RAB3IL1: variants seen among roughly 807,000 people sequenced by gnomAD.
RAB3IL1 encodes the protein guanine nucleotide exchange factor for Rab-3A.
RAB3IL1 carries 37 observed loss-of-function variants against 49.2 expected under a neutral mutation model. The ratio of observed to expected loss-of-function variants is 0.75; its 90% CI spans 0.58 to 0.99. RAB3IL1 has a LOEUF of 0.99. RAB3IL1 is among the 50% of genes least tolerant of loss of function. The probability of loss-of-function intolerance (pLI) is 0.00; values close to 1 mark genes in which losing one functional copy is unlikely to be tolerated. For missense variants in RAB3IL1, 484 were observed against 513.0 expected (o/e 0.94, Z 0.55); for synonymous variants, 193 against 213.9 (o/e 0.90, Z 0.85).
At chr11:61,921,634 G>A (rs891120753), upstream of RAB3IL1, among the ~76,000 whole-genome samples, 11 of 152,164 alleles carry the variant, frequency 7.2e-5, no homozygotes, top group Non-Finnish European at 1.5e-5. Context: ...ACTCCCACAA[G>A]AACTGAGTGG....
the RAB3IL1 span, among the ~76,000 whole-genome samples, chr11:61,940,043 T>C: frequency 1.3e-5 from 2 of 150,362 alleles, no homozygotes; most frequent in African/African-American, 4.9e-5. Context: ...ACTGGGGAGG[T>C]TGAGGCAGGA....
chr11:61,920,276 C>A, upstream of RAB3IL1: 1 of 1,233,802 alleles, frequency 8.1e-7, no homozygotes, highest in Non-Finnish European at 1.0e-6. Context: ...CCAGGCTGAG[C>A]CTCACACTAA....
chr11:61,924,423 G>A (rs765013104), upstream of RAB3IL1, among the ~76,000 whole-genome samples: 3 of 152,216 alleles, frequency 2.0e-5, no homozygotes, highest in African/African-American at 4.8e-5. Flanking sequence ...TGAGAGATTC[G>A]AATTAACCTA....
At chr11:61,929,620 T>C in the RAB3IL1 span, among the ~76,000 whole-genome samples, 1 of 150,360 alleles carries the variant, frequency 6.7e-6, no homozygotes. Flanking sequence ...AGAGTCTTGC[T>C]CTGTCGCCAG....
At chr11:61,916,740 A>T (rs1355491056) in intron 1 of RAB3IL1, among the ~76,000 whole-genome samples, 1 of 152,206 alleles carries the variant, frequency 6.6e-6, no homozygotes, top group Non-Finnish European at 1.5e-5. Context: ...CAGGAACTGC[A>T]ACTGCCCCTG....
In RAB3IL1 at chr11:61,904,578, C is replaced by T. The variant is rs968211092; in HGVS notation, c.867G>A (p.Val289=). The T allele has an allele frequency of 6.2e-7, 1 of 1,612,716 alleles. No homozygotes were observed. Among genetic ancestry groups the T allele is most frequent in the African/African-American group, 1.3e-5 (1 of 74,912 alleles). The change falls in exon 7 of 10, where the codon GTG becomes GTA. Residue 289 remains valine (V), a synonymous_variant. Transcript: ENST00000394836. ...TGCTACAGTCAACCTCGGCCACCTT[C>T]ACTGTGGGCAGCGTCTGCGAAGCCA... ...EPVASQTLPT[V]KVAEVDCSST...
chr11:61,898,264 G>A lies in RAB3IL1; in HGVS notation c.*14C>T, dbSNP rs1184537551. On this transcript the variant is annotated 3_prime_UTR_variant, in exon 10 of 10. Coordinates refer to ENST00000394836, the MANE Select transcript of RAB3IL1 (RefSeq NM_013401.4). The surrounding 1 kb of genome is among the most constrained non-coding windows in gnomAD (Gnocchi z 5.1). ...GCTCTGTCTCAGAGCTCCCCTTCAGGCCTGGGCCGCGCCCTAAGCCTCCTG... is the reference window on the plus strand; with the variant it reads ...GCTCTGTCTCAGAGCTCCCCTTCAGACCTGGGCCGCGCCCTAAGCCTCCTG... 5 of 1,610,942 alleles carry A rather than the reference G, an allele frequency of 3.1e-6. No individual in the cohort carries two copies. Among genetic ancestry groups the A allele is most frequent in the Non-Finnish European group, 4.2e-6 (5 of 1,179,376 alleles).
In RAB3IL1 at chr11:61,906,574, G is replaced by C; in HGVS notation, c.549C>G (p.Ala183=). 6.2e-7 allele frequency: 1 copy of C among 1,603,222 alleles called. No homozygotes were observed. Among genetic ancestry groups the C allele is most frequent in the East Asian group, 2.2e-5 (1 of 44,538 alleles). The change falls in exon 5 of 10, where the codon GCC becomes GCG. Residue 183 remains alanine (A), a synonymous_variant. Coordinates refer to ENST00000394836, the MANE Select transcript of RAB3IL1 (RefSeq NM_013401.4). This position sits in a 1 kb window ranked among gnomAD's most constrained non-coding sequence, Gnocchi z 4.6. ...GGCGAGAGTGGCCCTTTCGGGGCCC[G>C]GCCTTGGTGGGGCTCAGCAGCTGGG... ...LHPQLLSPTK[A]GPRKGHSRHK... is the part of the protein sequence containing the mutation.
chr11:61,903,401 TC>T (rs1226287681), intron 7 of RAB3IL1, among the ~76,000 whole-genome samples: 2 of 152,152 alleles, frequency 1.3e-5, no homozygotes, highest in African/African-American at 4.8e-5. Flanking sequence ...ATGGGGAGAA[TC>T]CCAAATAAAT....
intron 8 of RAB3IL1, chr11:61,899,808 C>A: frequency 5.2e-6 from 1 of 192,322 alleles, no homozygotes; most frequent in Non-Finnish European, 1.1e-5. Context: ...GAGTTTTGGG[C>A]CAGCCAGGCC....
chr11:61,945,618 C>G, the RAB3IL1 span, among the ~76,000 whole-genome samples: 1 of 152,218 alleles, frequency 6.6e-6, no homozygotes, highest in African/African-American at 2.4e-5. Flanking sequence ...AGGCTACTCA[C>G]TGGGTGTGAA....
At chr11:61,917,576 G>A (rs925440956), upstream of RAB3IL1, 68 of 1,080,266 alleles carry the variant, frequency 6.3e-5, no homozygotes, top group South Asian at 9.0e-5. Context: ...CGTGGCGGAG[G>A]GGGGAGCGGC....
chr11:61,901,393 A>T lies in RAB3IL1; in HGVS notation c.999+1049T>A, dbSNP rs368072227. ...CTGGGATTCCTAGAGGCCCCTTGGC[A>T]CTCACGGCCGACTTAAGGCTGGTGC... On this transcript the variant is annotated intron_variant, in intron 8 of 9. Coordinates refer to ENST00000394836, the MANE Select transcript of RAB3IL1 (RefSeq NM_013401.4). Among the ~76,000 whole-genome samples, 10 of 152,244 alleles carry T rather than the reference A, an allele frequency of 6.6e-5. No individual in the cohort carries two copies. The East Asian group carries it at 1.4e-3, about 21-fold the overall frequency.
chr11:61,936,150 G>A, the RAB3IL1 span, among the ~76,000 whole-genome samples: 3 of 152,094 alleles, frequency 2.0e-5, no homozygotes, highest in Admixed American at 6.6e-5. Flanking sequence ...TGGAGTTTAA[G>A]AGACCCATGG....
rs1591241202 is a variant in RAB3IL1, at chr11:61,917,432, C to T, written c.-65G>A. On this transcript the variant is annotated 5_prime_UTR_variant, in exon 1 of 10. Transcript: ENST00000394836. ...CGCCGCGTCCTCCCAGCGCCGCGTC[C>T]CCGCCCGCCGCCGACTCCGCCAGGG... 3.4e-6 allele frequency: 4 copies of T among 1,193,486 alleles called. No homozygotes were observed. In the East Asian group the frequency reaches 1.5e-4, roughly 44 times the overall value. The allele number at this position is 1,193,486 out of a possible 1,614,324, so 73.9% of individuals were successfully genotyped here.
At chr11:61,937,774 A>T in the RAB3IL1 span, 1 of 152,232 alleles carries the variant, frequency 6.6e-6, no homozygotes, top group Non-Finnish European at 1.5e-5. Context: ...ATGCATATAA[A>T]AAATAGCAAA....
rs1343579864 is a variant in RAB3IL1 at position 61,898,315 on chromosome 11, G to A, written c.1112C>T (p.Ser371Leu). 3 of 1,613,598 alleles carry A rather than the reference G, an allele frequency of 1.9e-6. No homozygotes were observed. The highest frequency in any genetic ancestry group is 1.7e-6 in the Non-Finnish European group (2 of 1,179,998). Residue 371 changes from serine (S) to leucine (L), a missense_variant, in exon 10 of 10, where the codon TCA becomes TTA. Ser to Leu is a moderately radical substitution (Grantham distance 145). Coordinates refer to ENST00000394836, the MANE Select transcript of RAB3IL1 (RefSeq NM_013401.4). The surrounding 1 kb of genome is among the most constrained non-coding windows in gnomAD (Gnocchi z 5.1). Reference sequence around the variant, plus strand: ...GGGGAAGAAGCCGAGCTTGGCCAGTGACATCTCCTTCCGCAACCTCATGAT... The same window carrying A: ...GGGGAAGAAGCCGAGCTTGGCCAGTAACATCTCCTTCCGCAACCTCATGAT... ...WEIMRLRKEMSLAKLGFFPQE... is the reference protein window; with the variant it reads ...WEIMRLRKEMLLAKLGFFPQE...
the RAB3IL1 span, among the ~76,000 whole-genome samples, chr11:61,934,450 G>GTGTATGTATGTACA: frequency 6.3e-5 from 2 of 31,628 alleles, no homozygotes; most frequent in African/African-American, 1.8e-4. Context: ...GTGTGTGTAT[G>GTGTATGTATGTACA]TATATATATA....
rs372931263 is a variant in RAB3IL1 at position 61,908,156 on chromosome 11, G to A, written c.162C>T (p.Pro54=). The change falls in exon 2 of 10, where the codon CCC becomes CCT. Residue 54 remains proline, a synonymous_variant. Coordinates refer to ENST00000394836, the MANE Select transcript of RAB3IL1 (RefSeq NM_013401.4). The part of the protein sequence containing the change: ...AGEEAQGQEG[P]AAAQLDVLRL... ...GCAACACGTCCAGCTGGGCGGCTGC[G>A]GGGCCCTCCTGGCCTTGGGCCTCCT... 723 of 1,569,380 alleles carry A rather than the reference G, an allele frequency of 4.6e-4. No homozygotes were observed. Among genetic ancestry groups the A allele is most frequent in the Non-Finnish European group, 5.8e-4 (669 of 1,159,960 alleles).
Sources: allele counts gnomAD v4.1 joint callset (sites outside exome capture counted in the v4.1 genomes callset), GRCh38; gene constraint gnomAD v4.1.1; non-coding constraint Gnocchi (gnomAD v3.1); transcripts MANE v1.5; gene names NCBI Gene and HGNC (gene_info 2026-07-23, HGNC 2026-07-21).